The following HK2 variants were observed in gnomAD, a reference collection of about 807,000 sequenced individuals.
HK2 encodes hexokinase 2, also known as hexokinase-2.
Under a neutral mutation model 92.9 loss-of-function variants are expected in HK2, and 42 were observed. The observed-to-expected ratio is 0.45, with a 90% CI of 0.35 to 0.58. The LOEUF is 0.58. HK2 is among the 20% of genes least tolerant of loss of function. The pLI, the probability that HK2 is intolerant of heterozygous loss-of-function variation, is 0.00. For missense variants in HK2, 978 were observed against 1,245.1 expected, an observed-to-expected ratio of 0.79 and a Z score of 3.23; for synonymous variants, 422 against 468.0, an observed-to-expected ratio of 0.90 and a Z score of 1.27.
At chr2:74,847,760 G>C (rs1261283330) in intron 1 of HK2, among the ~76,000 whole-genome samples, 1 of 152,182 alleles carries the variant, frequency 6.6e-6, no homozygotes, top group Non-Finnish European at 1.5e-5. Context: ...AGGCAAAAAG[G>C]ATAGTTAGTT....
intron 1 of HK2, among the ~76,000 whole-genome samples, chr2:74,837,422 G>A (rs1356516875): frequency 6.6e-6 from 1 of 152,158 alleles, no homozygotes; most frequent in Admixed American, 6.5e-5. Context: ...AGTACCCTCT[G>A]GCTACTCCAG....
intron 1 of HK2, among the ~76,000 whole-genome samples, chr2:74,846,306 A>AACTT (rs1172863489): frequency 5.1e-5 from 6 of 118,632 alleles, no homozygotes; most frequent in African/African-American, 2.0e-4. Context: ...GGGCCAAGTC[A>AACTT]GTGCAACCTG....
In HK2 at chr2:74,889,337, G is replaced by A; in HGVS notation, c.2468G>A (p.Cys823Tyr). 1 of 1,614,246 alleles carries A rather than the reference G, an allele frequency of 6.2e-7. No homozygotes were observed. The highest frequency in any genetic ancestry group is 8.5e-7 in the Non-Finnish European group (1 of 1,180,044). The change falls in exon 17 of 18, where the codon TGC (cysteine) becomes TAC (tyrosine). Residue 823 changes from cysteine (C) to tyrosine (Y), a missense_variant. Transcript: ENST00000290573. ...CDDSIIVKEVCTVVARRAAQL... is the reference protein window; with the variant it reads ...CDDSIIVKEVYTVVARRAAQL... Reference sequence around the variant, plus strand: ...GACAGCATCATTGTTAAGGAGGTGTGCACTGTGGTGGCCCGGCGGGCAGCC... The same window carrying A: ...GACAGCATCATTGTTAAGGAGGTGTACACTGTGGTGGCCCGGCGGGCAGCC...
At position 74,865,611 on chromosome 2, in the gene HK2, AG is replaced by A. The variant is rs777910695; in HGVS notation, c.227-2023del. The stretch of plus-strand genomic sequence containing the variant: ...AGCCACCCATGGCCATGAGGCAGGC[AG>A]GCTAACCCCAGATGAGGGCGATGTT... On this transcript the variant is annotated intron_variant, in intron 2 of 17. Transcript: ENST00000290573. Among the ~76,000 whole-genome samples the A allele has an allele frequency of 3.1e-4, 47 of 152,244 alleles. 2 individuals carry two copies. Among genetic ancestry groups the A allele is most frequent in the African/African-American group, 1.1e-3 (47 of 41,488 alleles).
chr2:74,869,466 A>ATC (rs1173477444), intron 3 of HK2, among the ~76,000 whole-genome samples: 1 of 152,216 alleles, frequency 6.6e-6, no homozygotes, highest in Non-Finnish European at 1.5e-5. Flanking sequence ...TTAAGAACAA[A>ATC]TCTTGGAATC....
intron 1 of HK2, among the ~76,000 whole-genome samples, chr2:74,836,794 A>G (rs1201730877): frequency 6.6e-6 from 1 of 152,240 alleles, no homozygotes; most frequent in Non-Finnish European, 1.5e-5. Flanking sequence ...CTGCCATTGG[A>G]AAGAAGAATT....
chr2:74,860,905 C>G (rs1052774940), intron 2 of HK2, among the ~76,000 whole-genome samples: 2 of 152,180 alleles, frequency 1.3e-5, no homozygotes, highest in African/African-American at 4.8e-5. Flanking sequence ...CATTTGTTGT[C>G]TGTATGTCCT....
At chr2:74,863,771 T>C (rs1188275594) in intron 2 of HK2, among the ~76,000 whole-genome samples, 1 of 152,188 alleles carries the variant, frequency 6.6e-6, no homozygotes, top group Non-Finnish European at 1.5e-5. Flanking sequence ...ATTGGAATGT[T>C]CAGTGCAGTT....
intron 8 of HK2, 31 bp from the exon 9 acceptor site, chr2:74,878,657 C>A: frequency 6.5e-7 from 1 of 1,546,008 alleles, no homozygotes; most frequent in Non-Finnish European, 8.8e-7. Context: ...GGGTCAGACA[C>A]AGGCCCACAT....
Position 74,834,606 on chromosome 2 carries a change from A to C in HK2, c.26A>C (p.Tyr9Ser), listed in dbSNP as rs768264746. Residue 9 changes from tyrosine to serine, a missense_variant, in exon 1 of 18, where the codon TAC becomes TCC. Tyr to Ser is a moderately radical substitution (Grantham distance 144, BLOSUM62 -2). Around this residue, in one of 3 missense-constraint regions of HK2, gnomAD observed 47 missense variants for 33.1 expected, o/e 1.42. Transcript: ENST00000290573. The surrounding 1 kb of genome is among the most constrained non-coding windows in gnomAD (Gnocchi z 4.2). Reference sequence around the variant, plus strand: ...ATGATTGCCTCGCATCTGCTTGCCTACTTCTTCACGGAGCTCAACCATGAC... The same window carrying C: ...ATGATTGCCTCGCATCTGCTTGCCTCCTTCTTCACGGAGCTCAACCATGAC... MIASHLLA[Y>S]FFTELNHDQV... is the part of the protein sequence containing the mutation. 2 of 1,613,720 alleles carry C rather than the reference A, an allele frequency of 1.2e-6. No individual in the cohort carries two copies. The highest frequency in any genetic ancestry group is 4.5e-5 in the East Asian group (2 of 44,834).
At chr2:74,838,026 C>G (rs1301622749) in intron 1 of HK2, among the ~76,000 whole-genome samples, 1 of 152,164 alleles carries the variant, frequency 6.6e-6, no homozygotes, top group Non-Finnish European at 1.5e-5. Context: ...TTCCACTTAA[C>G]CCCTTCCAGC....
chr2:74,868,682 G>A (rs3771766), intron 3 of HK2, among the ~76,000 whole-genome samples: 9,615 of 151,954 alleles, frequency 0.063, 445 homozygotes, highest in East Asian at 0.18. Flanking sequence ...TTTTCTTCCC[G>A]TTGCCTCGAT....
At chr2:74,857,595 G>A (rs1055379543) in intron 2 of HK2, among the ~76,000 whole-genome samples, 1 of 152,150 alleles carries the variant, frequency 6.6e-6, no homozygotes, top group Non-Finnish European at 1.5e-5. Flanking sequence ...GCAGTGAGCC[G>A]AAGTTGCGCC....
Position 74,838,663 on chromosome 2 carries a change from C to T in HK2, c.63+4020C>T, listed in dbSNP as rs571181683. On this transcript the variant is annotated intron_variant, in intron 1 of 17. Transcript: ENST00000290573. Reference sequence around the variant, plus strand: ...ACGCCATTCTCCTGCCTCAGCCTCCCGAGTAGCTGGGACTACAGGCGCCTG... The same window carrying T: ...ACGCCATTCTCCTGCCTCAGCCTCCTGAGTAGCTGGGACTACAGGCGCCTG... Among the ~76,000 whole-genome samples the T allele has an allele frequency of 3.6e-3, 542 of 152,028 alleles. 5 individuals carry two copies. Among genetic ancestry groups the T allele is most frequent in the African/African-American group, 0.012 (507 of 41,460 alleles).
chr2:74,859,762 TG>T (rs1688777665), intron 2 of HK2, among the ~76,000 whole-genome samples: 1 of 152,236 alleles, frequency 6.6e-6, no homozygotes, highest in African/African-American at 2.4e-5. Context: ...GAAAACAGTA[TG>T]GAGATTTCTC....
intron 6 of HK2, 132 bp from the exon 7 acceptor site, chr2:74,874,134 G>A (rs1689166508): frequency 5.1e-6 from 6 of 1,170,016 alleles, no homozygotes; most frequent in Non-Finnish European, 3.8e-6. Context: ...CATGTATTGT[G>A]ATGCCCCCAG....
chr2:74,871,752 T>C (rs1689104289), intron 3 of HK2, among the ~76,000 whole-genome samples: 1 of 152,180 alleles, frequency 6.6e-6, no homozygotes, highest in Admixed American at 6.5e-5. Context: ...GAGAAAAAAA[T>C]ATAAAAATTA....
rs1046546446 is a variant in HK2 at position 74,878,432 on chromosome 2, TGTGTGTGCGCACGCACATGCGTGTGC to T, written c.1032-248_1032-223del. Among the ~76,000 whole-genome samples, 5 of 150,672 alleles carry T rather than the reference TGTGTGTGCGCACGCACATGCGTGTGC, an allele frequency of 3.3e-5. No individual in the cohort carries two copies. The South Asian group carries it at 8.3e-4, about 25-fold the overall frequency. On this transcript the variant is annotated intron_variant, in intron 8 of 17. Transcript: ENST00000290573. ...GTGTCTCTGTGTGTGTGTGTGTGTGTGTGTGTGCGCACGCACATGCGTGTGCGTGTGTGTGTGGTGTCTGGGAGAGG... is the reference window on the plus strand; with the variant it reads ...GTGTCTCTGTGTGTGTGTGTGTGTGTGTGTGTGTGTGGTGTCTGGGAGAGG...
Position 74,889,451 on chromosome 2 carries a change from A to C in HK2, c.2582A>C (p.Asp861Ala). ...LDALKVTVGV[D>A]GTLYKLHPHF... ...GCTCTCAAAGTGACAGTGGGTGTGGATGGGACCCTCTACAAGCTACATCCT... is the reference window on the plus strand; with the variant it reads ...GCTCTCAAAGTGACAGTGGGTGTGGCTGGGACCCTCTACAAGCTACATCCT... Residue 861 changes from aspartate to alanine, a missense_variant, in exon 17 of 18, where the codon GAT becomes GCT. Around this residue, in one of 3 missense-constraint regions of HK2, gnomAD observed 742 missense variants for 922.5 expected, o/e 0.80. Coordinates refer to ENST00000290573, the MANE Select transcript of HK2 (RefSeq NM_000189.5). 6.2e-7 allele frequency: 1 copy of C among 1,612,810 alleles called. No homozygotes were observed. Among genetic ancestry groups the C allele is most frequent in the Non-Finnish European group, 8.5e-7 (1 of 1,179,282 alleles).
Sources: allele counts gnomAD v4.1 joint callset (sites outside exome capture counted in the v4.1 genomes callset), GRCh38; gene constraint gnomAD v4.1.1; regional missense constraint gnomAD v4.1.1; non-coding constraint Gnocchi (gnomAD v3.1); transcripts MANE v1.5; gene names NCBI Gene and HGNC (gene_info 2026-07-23, HGNC 2026-07-21).